MAD1L1: variants seen among roughly 807,000 people sequenced by gnomAD.
MAD1L1 encodes mitotic arrest deficient 1 like 1.
Under a neutral mutation model 96.9 loss-of-function variants are expected in MAD1L1, and 95 were observed. That is an observed-to-expected ratio of 0.98 (90% CI 0.83 to 1.16). The LOEUF (loss-of-function observed/expected upper bound fraction) is 1.16, where lower values mean the gene tolerates loss of function less well. Among genes scored for constraint, MAD1L1 ranks in the 50% most tolerant of loss-of-function variants. MAD1L1 has a pLI of 0.00. For synonymous variants in MAD1L1, 473 were observed against 396.6 expected, an observed-to-expected ratio of 1.19 and a Z score of -2.29; for missense variants, 1,007 against 954.4, an observed-to-expected ratio of 1.06 and a Z score of -0.73.
intron 13 of MAD1L1, among the ~76,000 whole-genome samples, chr7:2,011,975 G>A (rs924029896): frequency 3.3e-5 from 5 of 152,120 alleles, no homozygotes; most frequent in African/African-American, 1.2e-4. Context: ...CAGTGCTGGT[G>A]GAGTCTGACC....
chr7:1,935,618 G>A (rs1055205263), intron 17 of MAD1L1, among the ~76,000 whole-genome samples: 2 of 152,222 alleles, frequency 1.3e-5, no homozygotes, highest in Non-Finnish European at 2.9e-5. Context: ...ATCAGCCTGG[G>A]TGCTGGGCTG....
chr7:1,875,130 AGCAGCTCCCCTGGCT>A (rs1785315109), intron 18 of MAD1L1, among the ~76,000 whole-genome samples: 1 of 152,096 alleles, frequency 6.6e-6, no homozygotes, highest in Non-Finnish European at 1.5e-5. Flanking sequence ...ACGACTAACG[AGCAGCTCCCCTGGCT>A]GCCCCAGAGC....
intron 14 of MAD1L1, 78 bp downstream of exon 14, chr7:2,001,987 G>A: frequency 2.7e-6 from 4 of 1,488,704 alleles, no homozygotes; most frequent in South Asian, 2.3e-5. Context: ...CAGCCTAAAG[G>A]CTTATGGGGA....
chr7:1,843,936 G>A (rs757868113), intron 18 of MAD1L1, among the ~76,000 whole-genome samples: 2 of 152,204 alleles, frequency 1.3e-5, no homozygotes, highest in Admixed American at 6.5e-5. Context: ...GGCTAGGGGC[G>A]GGGAGGGGAC....
chr7:2,216,020 C>T (rs765755888), intron 8 of MAD1L1, 21 bp from the exon 9 acceptor site: 41 of 1,613,054 alleles, frequency 2.5e-5, no homozygotes, highest in Non-Finnish European at 3.4e-5. Context: ...CACAAAGAGT[C>T]GCTCAAATAG....
intron 11 of MAD1L1, among the ~76,000 whole-genome samples, chr7:2,108,843 T>C (rs1454732963): frequency 6.6e-6 from 1 of 152,184 alleles, no homozygotes; most frequent in Admixed American, 6.5e-5. Flanking sequence ...TGGGCCCAGG[T>C]GGCCTCCAGG....
At chr7:1,822,918 C>G (rs150588373) in intron 18 of MAD1L1, among the ~76,000 whole-genome samples, 2 of 151,932 alleles carry the variant, frequency 1.3e-5, no homozygotes, top group African/African-American at 4.8e-5. Context: ...GATGTGGAGA[C>G]CAGCAGAACA....
At chr7:2,038,476 T>C (rs924907625) in intron 12 of MAD1L1, among the ~76,000 whole-genome samples, 4 of 150,130 alleles carry the variant, frequency 2.7e-5, no homozygotes, top group African/African-American at 7.3e-5. Flanking sequence ...CTGATGCTGT[T>C]AGGAGATAAT....
chr7:1,832,462 C>T (rs1367208204), intron 18 of MAD1L1, among the ~76,000 whole-genome samples: 2 of 147,270 alleles, frequency 1.4e-5, no homozygotes, highest in Non-Finnish European at 3.0e-5. Flanking sequence ...AGTACATCAA[C>T]TTAGTTGATA....
intron 11 of MAD1L1, among the ~76,000 whole-genome samples, chr7:2,104,368 A>ACGG (rs1562691052): frequency 3.3e-5 from 5 of 152,256 alleles, no homozygotes; most frequent in African/African-American, 1.2e-4. Context: ...GAGAGCCGTC[A>ACGG]CGGCGGCGCA....
At chr7:2,060,679 TC>T (rs1387368247) in intron 12 of MAD1L1, among the ~76,000 whole-genome samples, 1 of 151,846 alleles carries the variant, frequency 6.6e-6, no homozygotes, top group African/African-American at 2.4e-5. Context: ...CCACGAGGGG[TC>T]CCCGGGCCAC....
At chr7:1,850,642 C>A (rs1783920178) in intron 18 of MAD1L1, among the ~76,000 whole-genome samples, 1 of 152,160 alleles carries the variant, frequency 6.6e-6, no homozygotes, top group African/African-American at 2.4e-5. Flanking sequence ...GGTCCGGGGA[C>A]CCCCAAAGCC....
At chr7:2,066,072 A>G (rs1265088678) in intron 12 of MAD1L1, among the ~76,000 whole-genome samples, 1 of 152,230 alleles carries the variant, frequency 6.6e-6, no homozygotes, top group Non-Finnish European at 1.5e-5. Flanking sequence ...AGCTATCAGT[A>G]ACAATTAAAT....
chr7:1,818,340 G>A (rs895721701), intron 18 of MAD1L1, among the ~76,000 whole-genome samples: 47 of 152,062 alleles, frequency 3.1e-4, no homozygotes, highest in African/African-American at 1.1e-3. Flanking sequence ...CGCCTTCCCC[G>A]GCCCTCAGAG....
rs565185960 is a variant in MAD1L1 at position 1,964,251 on chromosome 7, G to A, written c.1506-6532C>T. ...CCTTCTGCAGGGGCTTCTTGACTTA[G>A]GGAGACGCTGGATGAAAAGGCCCCT... is the stretch of plus-strand genomic sequence containing the variant. On this transcript the variant is annotated intron_variant, in intron 15 of 18. Coordinates refer to ENST00000265854, the MANE Select transcript of MAD1L1 (RefSeq NM_001013836.2). Among the ~76,000 whole-genome samples, 6 of 152,294 alleles carry A rather than the reference G, an allele frequency of 3.9e-5. No homozygotes were observed. The South Asian group carries it at 8.3e-4, about 21-fold the overall frequency.
Position 1,998,689 on chromosome 7 carries a change from GC to G in MAD1L1, c.1416+3375del, listed in dbSNP as rs532429537. Among the ~76,000 whole-genome samples the G allele has an allele frequency of 2.6e-3, 403 of 152,284 alleles. 1 individual carries two copies. Among genetic ancestry groups the G allele is most frequent in the African/African-American group, 9.1e-3 (380 of 41,532 alleles). ...GAAGGAAGCACCGACAGCCCTCAGG[GC>G]TGGGAACTAGGAAGGCTCTGGGTGT... On this transcript the variant is annotated intron_variant, in intron 14 of 18. Transcript: ENST00000265854.
chr7:2,045,672 G>A (rs1011533951), intron 12 of MAD1L1, among the ~76,000 whole-genome samples: 1 of 152,094 alleles, frequency 6.6e-6, no homozygotes, highest in African/African-American at 2.4e-5. Context: ...GTCGCTTAGT[G>A]GGATTTGGAG....
At chr7:2,222,855 A>C in intron 4 of MAD1L1, 101 bp from the exon 5 acceptor site, 5 of 1,018,972 alleles carry the variant, frequency 4.9e-6, no homozygotes, top group African/African-American at 1.6e-5. Context: ...GAGGCACAAA[A>C]AAGAGCCGAG....
intron 18 of MAD1L1, among the ~76,000 whole-genome samples, chr7:1,884,730 G>A (rs568423330): frequency 4.6e-5 from 7 of 152,282 alleles, no homozygotes; most frequent in African/African-American, 7.2e-5. Flanking sequence ...TGTGTGGAGC[G>A]GACCACGCCT....
Sources: gnomAD v4.1 joint callset for allele counts (sites outside exome capture counted in the v4.1 genomes callset) on GRCh38, gnomAD v4.1.1 for gene constraint, MANE v1.5 for transcripts, NCBI Gene and HGNC (gene_info 2026-07-23, HGNC 2026-07-21) for gene names.